DCP1A: variants seen among roughly 807,000 people sequenced by gnomAD.
The protein encoded by DCP1A is decapping mRNA 1A.
DCP1A carries 20 observed loss-of-function variants against 58.0 expected under a neutral mutation model. The observed-to-expected ratio is 0.34, with a 90% CI of 0.24 to 0.50. The LOEUF is 0.50. Among genes scored for constraint, DCP1A ranks in the 20% least tolerant of loss-of-function variants. The pLI is 0.98. For missense variants in DCP1A, 613 were observed against 712.2 expected, an observed-to-expected ratio of 0.86 and a Z score of 1.59; for synonymous variants, 285 against 275.1, an observed-to-expected ratio of 1.04 and a Z score of -0.36.
intron 3 of DCP1A, among the ~76,000 whole-genome samples, chr3:53,326,300 T>C (rs1187802715): frequency 2.6e-5 from 4 of 152,222 alleles, no homozygotes; most frequent in Admixed American, 2.0e-4. Context: ...TTACTCCCAC[T>C]TGCAAAAGTT....
chr3:53,303,734 A>G (rs1553687646), intron 6 of DCP1A, among the ~76,000 whole-genome samples: 1 of 152,210 alleles, frequency 6.6e-6, no homozygotes, highest in African/African-American at 2.4e-5. Context: ...CATTTGGGGA[A>G]AGACAAGAGA....
chr3:53,301,350 CA>C (rs1707306733), intron 6 of DCP1A, among the ~76,000 whole-genome samples: 2 of 152,012 alleles, frequency 1.3e-5, no homozygotes, highest in South Asian at 4.2e-4. Flanking sequence ...CAGCTCACTG[CA>C]ACCTTTGCCT....
Position 53,330,816 on chromosome 3 carries a change from T to C in DCP1A, c.304+11328A>G, listed in dbSNP as rs551353233. 2.7e-3 allele frequency among the ~76,000 whole-genome samples: 299 copies of C among 108,894 alleles called. 1 individual carries two copies. Among genetic ancestry groups the C allele is most frequent in the Middle Eastern group, 8.8e-3 (2 of 228 alleles). The allele number at this position is 108,894 out of a possible 152,430, so 71.4% of individuals were successfully genotyped here. A position where few individuals can be genotyped will look rare whatever the true frequency, so the allele number is the denominator to read the frequency against. ...CAAGGTAAAACACAATATATACACA[T>C]ATATATATATTTTTTTTTTTTTTGA... On this transcript the variant is annotated intron_variant, in intron 3 of 9. Transcript: ENST00000610213.
intron 8 of DCP1A, among the ~76,000 whole-genome samples, chr3:53,289,496 C>G (rs1454065490): frequency 6.6e-5 from 10 of 150,980 alleles, no homozygotes; most frequent in Non-Finnish European, 1.3e-4. Flanking sequence ...CCTGTAATCC[C>G]AGCTACTTGG....
chr3:53,321,193 T>C (rs1376254377), intron 3 of DCP1A, among the ~76,000 whole-genome samples: 1 of 152,266 alleles, frequency 6.6e-6, no homozygotes, highest in Non-Finnish European at 1.5e-5. Context: ...GTTCTGCCAG[T>C]TCTGGGTTCC....
chr3:53,343,826 T>C (rs1290602234), intron 2 of DCP1A, among the ~76,000 whole-genome samples: 2 of 152,200 alleles, frequency 1.3e-5, no homozygotes, highest in African/African-American at 4.8e-5. Flanking sequence ...TTAGCCAGGA[T>C]GGTCTTGATC....
chr3:53,320,620 T>C (rs539146221), intron 3 of DCP1A, among the ~76,000 whole-genome samples: 1 of 152,296 alleles, frequency 6.6e-6, no homozygotes, highest in South Asian at 2.1e-4. Flanking sequence ...AACAGACAGA[T>C]CTTGGTGCCC....
intron 2 of DCP1A, among the ~76,000 whole-genome samples, chr3:53,343,670 G>T (rs191259886): frequency 1.3e-5 from 2 of 152,204 alleles, no homozygotes; most frequent in South Asian, 4.1e-4. Context: ...GGAGTGCAGT[G>T]GCACGACCTC....
intron 1 of DCP1A, among the ~76,000 whole-genome samples, chr3:53,346,896 T>G (rs1435790094): frequency 6.6e-6 from 1 of 152,068 alleles, no homozygotes; most frequent in Non-Finnish European, 1.5e-5. Context: ...CGAAACTAAT[T>G]GGATTTTAAA....
intron 1 of DCP1A, among the ~76,000 whole-genome samples, 172 bp from the exon 2 acceptor site, chr3:53,345,114 A>G (rs1279910220): frequency 2.0e-5 from 3 of 152,184 alleles, no homozygotes; most frequent in African/African-American, 7.2e-5. Flanking sequence ...AATTGTGGTT[A>G]CCATTTCTAA....
chr3:53,304,195 G>A lies in DCP1A; in HGVS notation c.606C>T (p.Pro202=). The A allele has an allele frequency of 1.2e-6, 2 of 1,613,160 alleles. No individual in the cohort carries two copies. The highest frequency in any genetic ancestry group is 1.7e-6 in the Non-Finnish European group (2 of 1,179,364). Residue 202 remains proline (P), a synonymous_variant, in exon 6 of 10, where the codon CCC becomes CCT. Coordinates refer to ENST00000610213, the MANE Select transcript of DCP1A (RefSeq NM_018403.7). ...TACAAACCTTATCCTGTGACCCGGA[G>A]GGCATTTCTTCTAGAGTCTCGGTGC... The part of the protein sequence containing the change: ...LGSTETLEEM[P]SGSQDKSAPS...
chr3:53,290,946 G>A, intron 7 of DCP1A, 90 bp from the exon 8 acceptor site: 1 of 1,128,580 alleles, frequency 8.9e-7, no homozygotes, highest in Non-Finnish European at 1.3e-6. Context: ...CTTTCCCAGT[G>A]GAAAATCTAG....
At chr3:53,333,142 G>GTTTTTT (rs1559703731) in intron 3 of DCP1A, 4 of 148,204 alleles carry the variant, frequency 2.7e-5, no homozygotes, top group Non-Finnish European at 1.5e-5. Flanking sequence ...GCAGGGTTTT[G>GTTTTTT]GTTTTTTTTT....
intron 4 of DCP1A, among the ~76,000 whole-genome samples, chr3:53,312,959 T>C (rs1707695078): frequency 6.6e-6 from 1 of 152,180 alleles, no homozygotes; most frequent in Non-Finnish European, 1.5e-5. Flanking sequence ...CAAACTCCAC[T>C]AAGGTTTCTC....
At position 53,304,208 on chromosome 3, in the gene DCP1A, A is replaced by G. The variant is rs142210344; in HGVS notation, c.593T>C (p.Leu198Pro). The G allele has an allele frequency of 6.2e-7, 1 of 1,613,540 alleles. No individual in the cohort carries two copies. ...CTGTGACCCGGAGGGCATTTCTTCT[A>G]GAGTCTCGGTGCTTCCCAGATTGGA... The part of the protein sequence containing the change: ...QLSNLGSTET[L>P]EEMPSGSQDK... Residue 198 changes from leucine (L) to proline (P), a missense_variant, in exon 6 of 10, where the codon CTA becomes CCA. Leu to Pro is a moderately conservative substitution (Grantham distance 98, BLOSUM62 -3). Transcript: ENST00000610213.
chr3:53,321,706 C>T (rs531651874), intron 3 of DCP1A, among the ~76,000 whole-genome samples: 14 of 152,088 alleles, frequency 9.2e-5, no homozygotes, highest in East Asian at 3.9e-4. Flanking sequence ...GCAACAAGAG[C>T]GAAACTCCGT....
intron 3 of DCP1A, among the ~76,000 whole-genome samples, chr3:53,322,958 G>A (rs542071112): frequency 2.0e-5 from 3 of 151,486 alleles, no homozygotes; most frequent in Non-Finnish European, 2.9e-5. Context: ...CAGGCGCCCG[G>A]GGATTACAGG....
intron 2 of DCP1A, 74 bp downstream of exon 2, chr3:53,344,828 C>A: frequency 8.7e-7 from 1 of 1,149,816 alleles, no homozygotes; most frequent in Non-Finnish European, 1.3e-6. Context: ...GACAAATGTA[C>A]AAGAGAATTG....
At chr3:53,294,155 T>C (rs1316561886) in intron 6 of DCP1A, among the ~76,000 whole-genome samples, 5 of 152,230 alleles carry the variant, frequency 3.3e-5, no homozygotes, top group Non-Finnish European at 7.3e-5. Context: ...TTAGAGGATC[T>C]GGACTTTATC....
Sources: allele counts gnomAD v4.1 joint callset (sites outside exome capture counted in the v4.1 genomes callset), GRCh38; gene constraint gnomAD v4.1.1; transcripts MANE v1.5; gene names NCBI Gene and HGNC (gene_info 2026-07-23, HGNC 2026-07-21).